Variants in SF1 observed in about 807,000 individuals in gnomAD.
SF1 encodes splicing factor 1.
In SF1, 7 loss-of-function variants were observed where a neutral mutation model predicts 62.5. The observed-to-expected ratio is 0.11, with a 90% CI of 0.06 to 0.21. The LOEUF (loss-of-function observed/expected upper bound fraction) is 0.21, where lower values mean the gene tolerates loss of function less well. Among genes scored for constraint, SF1 ranks in the 10% least tolerant of loss-of-function variants. The pLI, the probability that SF1 is intolerant of heterozygous loss-of-function variation, is 1.00. For synonymous variants in SF1, 394 were observed against 323.6 expected, an observed-to-expected ratio of 1.22 and a Z score of -2.33; for missense variants, 578 against 884.0, an observed-to-expected ratio of 0.65 and a Z score of 4.39.
intron 2 of SF1, 111 bp from the exon 3 acceptor site, chr11:64,773,616 G>A: frequency 8.0e-7 from 1 of 1,255,404 alleles, no homozygotes; most frequent in Non-Finnish European, 1.1e-6. Flanking sequence ...ACTTTGAAAG[G>A]GACGACTGAT....
intron 1 of SF1, chr11:64,777,913 G>T: frequency 1.1e-6 from 1 of 944,982 alleles, no homozygotes; most frequent in Non-Finnish European, 1.3e-6. Flanking sequence ...AGCCGCCGTC[G>T]CCGCCGCCGC....
intron 1 of SF1, chr11:64,777,388 G>A (rs1197128523): frequency 1.9e-6 from 1 of 535,606 alleles, no homozygotes. Context: ...CAGCCGATCA[G>A]ACTGAGATCT....
chr11:64,778,065 G>A, intron 1 of SF1: 1 of 991,720 alleles, frequency 1.0e-6, no homozygotes, highest in South Asian at 4.6e-5. Flanking sequence ...GGCGACACGC[G>A]CTGGTAGAGC....
chr11:64,772,696 G>A (rs575541647), intron 3 of SF1: 17 of 985,162 alleles, frequency 1.7e-5, no homozygotes, highest in Non-Finnish European at 1.9e-5. Flanking sequence ...TAAAATTCCA[G>A]TTTAAAAAAG....
rs995639218 is a variant in SF1 at position 64,777,429 on chromosome 11, C to A, written c.32-803G>T. 3.8e-5 allele frequency: 31 copies of A among 821,160 alleles called. No homozygotes were observed. The Middle Eastern group carries it at 1.9e-3, about 50-fold the overall frequency. The allele number at this position is 821,160 out of a possible 1,614,324, so 50.9% of individuals were successfully genotyped here. A position where few individuals can be genotyped will look rare whatever the true frequency, so the allele number is the denominator to read the frequency against. ...TACTGAACAGATTTAAAAAAAAAAACAAACTAAAATTCTCTCCCCAAAAGA... is the reference window on the plus strand; with the variant it reads ...TACTGAACAGATTTAAAAAAAAAAAAAAACTAAAATTCTCTCCCCAAAAGA... On this transcript the variant is annotated intron_variant, in intron 1 of 12. Transcript: ENST00000377390.
intron 2 of SF1, among the ~76,000 whole-genome samples, chr11:64,773,724 G>A (rs1194953280): frequency 6.6e-6 from 1 of 152,128 alleles, no homozygotes; most frequent in Admixed American, 6.5e-5. Context: ...ATCACTTAAG[G>A]AAGCAAACAG....
In SF1 at chr11:64,778,439, G is replaced by C; in HGVS notation, c.-47C>G. ...CGGCACCTGCTTTTCCTCTGCGGCG[G>C]CTTCTCCTTCGCAAGCCTCCCGGGG... On this transcript the variant is annotated 5_prime_UTR_variant, in exon 1 of 13. Transcript: ENST00000377390. The C allele has an allele frequency of 8.2e-7, 1 of 1,219,708 alleles. No homozygotes were observed. The highest frequency in any genetic ancestry group is 1.6e-5 in the African/African-American group (1 of 63,748). 75.6% of individuals were successfully genotyped at this position (1,219,708 alleles called of 1,614,324 possible). A position where few individuals can be genotyped will look rare whatever the true frequency, so the allele number is the denominator to read the frequency against.
At chr11:64,767,131 G>C in intron 11 of SF1, 52 bp from the exon 12 acceptor site, 3 of 1,612,792 alleles carry the variant, frequency 1.9e-6, no homozygotes, top group Non-Finnish European at 2.5e-6. Flanking sequence ...CGGGGACTTG[G>C]GCCAGAACCC....
intron 2 of SF1, among the ~76,000 whole-genome samples, chr11:64,774,279 T>C (rs950228620): frequency 3.3e-5 from 5 of 152,214 alleles, no homozygotes; most frequent in African/African-American, 1.2e-4. Context: ...ATGGAATGTG[T>C]GTTCAAGGAC....
intron 1 of SF1, chr11:64,777,902 C>G: frequency 1.1e-6 from 1 of 948,394 alleles, no homozygotes. Context: ...CTGCCGCGTG[C>G]AGCCGCCGTC....
At position 64,765,773 on chromosome 11, in the gene SF1, A is replaced by G; in HGVS notation, c.*45T>C. The G allele has an allele frequency of 2.0e-6, 3 of 1,496,260 alleles. No homozygotes were observed. The highest frequency in any genetic ancestry group is 2.7e-6 in the Non-Finnish European group (3 of 1,125,106). 92.7% of individuals were successfully genotyped at this position (1,496,260 alleles called of 1,614,324 possible). On this transcript the variant is annotated 3_prime_UTR_variant, in exon 13 of 13. Coordinates refer to ENST00000377390, the MANE Select transcript of SF1 (RefSeq NM_004630.4). ...GTGAGGTTCGGCGTGTTTAAACGAG[A>G]CCAATTCTCTCTATATATAATATAT...
chr11:64,767,361 C>T, intron 10 of SF1, 110 bp from the exon 11 acceptor site: 1 of 1,195,386 alleles, frequency 8.4e-7, no homozygotes, highest in African/African-American at 1.5e-5. Flanking sequence ...AAAACCATGC[C>T]TGTAAAAGGC....
Position 64,767,623 on chromosome 11 carries a change from T to G in SF1, c.1290A>C (p.Pro430=). ...GAGGGTGGGGGCCCTGGTTCATCGG[T>G]GGTGGTGGTGGCTGCATCCAAGGGG... ...PPPPWMQPPP[P]PMNQGPHPPG... The change falls in exon 10 of 13, where the codon CCA becomes CCC. Residue 430 remains proline (P), a synonymous_variant. Coordinates refer to ENST00000377390, the MANE Select transcript of SF1 (RefSeq NM_004630.4). The G allele has an allele frequency of 6.3e-7, 1 of 1,583,440 alleles. No individual in the cohort carries two copies. Among genetic ancestry groups the G allele is most frequent in the Non-Finnish European group, 8.6e-7 (1 of 1,165,216 alleles).
intron 2 of SF1, among the ~76,000 whole-genome samples, chr11:64,775,400 G>C (rs576427423): frequency 2.0e-5 from 3 of 152,194 alleles, no homozygotes; most frequent in Admixed American, 6.5e-5. Context: ...AGGATGTAAA[G>C]ACCCAGACTA....
In SF1 at chr11:64,765,842, GGGAGCTGGA is replaced by G. The variant is rs754086718; in HGVS notation, c.1887_1895del (p.Ala631_Pro633del). The G allele has an allele frequency of 6.4e-7, 1 of 1,554,078 alleles. No individual in the cohort carries two copies. Among genetic ancestry groups the G allele is most frequent in the African/African-American group, 1.4e-5 (1 of 73,314 alleles). The stretch of plus-strand genomic sequence containing the variant: ...TCTAGTTCTGTGGTGGAGGCGGTGG[GGGAGCTGGA>G]GGCATCCCGAAGGGCGGCATGCCCG... On this transcript the variant is annotated inframe_deletion, in exon 13 of 13. Transcript: ENST00000377390.
chr11:64,777,723 TA>T (rs1274695264), intron 1 of SF1: 15 of 985,450 alleles, frequency 1.5e-5, no homozygotes, highest in Admixed American at 6.1e-5. Flanking sequence ...CCCCAGTCTA[TA>T]CAGTTGCGCC....
At chr11:64,776,912 C>T (rs1307907451) in intron 1 of SF1, among the ~76,000 whole-genome samples, 8 of 152,180 alleles carry the variant, frequency 5.3e-5, no homozygotes, top group Non-Finnish European at 1.2e-4. Flanking sequence ...ATGCATATGG[C>T]TGCAGAGAGT....
chr11:64,774,557 G>A (rs765592538), intron 2 of SF1, among the ~76,000 whole-genome samples: 19 of 152,150 alleles, frequency 1.2e-4, no homozygotes, highest in Non-Finnish European at 1.8e-4. Context: ...CTCCAAGATA[G>A]GATTAATGCG....
intron 10 of SF1, 154 bp downstream of exon 10, chr11:64,767,417 G>A: frequency 9.7e-7 from 1 of 1,034,342 alleles, no homozygotes; most frequent in Non-Finnish European, 1.5e-6. Flanking sequence ...AACCAGAATG[G>A]AGTCTTGCTC....
Sources: allele counts gnomAD v4.1 joint callset (sites outside exome capture counted in the v4.1 genomes callset), GRCh38; gene constraint gnomAD v4.1.1; transcripts MANE v1.5; gene names NCBI Gene and HGNC (gene_info 2026-07-23, HGNC 2026-07-21).